Variants in DHRS2 observed in about 807,000 individuals in gnomAD.
DHRS2 encodes dehydrogenase/reductase SDR family member 2, mitochondrial.
DHRS2 carries 29 observed loss-of-function variants against 26.3 expected under a neutral mutation model. The ratio of observed to expected loss-of-function variants is 1.10; its 90% CI spans 0.82 to 1.50. DHRS2 has a LOEUF of 1.50. Ranked by LOEUF, DHRS2 falls within the 40% of genes most tolerant of loss-of-function variation. DHRS2 has a pLI of 0.00. For synonymous variants in DHRS2, 164 were observed against 151.3 expected, an observed-to-expected ratio of 1.08 and a Z score of -0.62; for missense variants, 439 against 367.1, an observed-to-expected ratio of 1.20 and a Z score of -1.60.
intron 1 of DHRS2, among the ~76,000 whole-genome samples, chr14:23,637,745 A>C (rs1047041948): frequency 6.6e-6 from 1 of 152,078 alleles, no homozygotes; most frequent in Non-Finnish European, 1.5e-5. Flanking sequence ...GGACTTGGAG[A>C]ACTTTTGTGT....
At chr14:23,632,345 G>C (rs1269643978), upstream of DHRS2, among the ~76,000 whole-genome samples, 2 of 152,186 alleles carry the variant, frequency 1.3e-5, no homozygotes, top group African/African-American at 2.4e-5. Context: ...GTAATGCAAG[G>C]CTGTAAATAT....
chr14:23,631,551 C>A (rs1841486195), upstream of DHRS2, among the ~76,000 whole-genome samples: 1 of 151,902 alleles, frequency 6.6e-6, no homozygotes, highest in Non-Finnish European at 1.5e-5. Flanking sequence ...TTCCTCTACC[C>A]CCCCCACCCC....
intron 3 of DHRS2, 144 bp downstream of exon 3, chr14:23,639,500 AAG>A: frequency 7.9e-7 from 1 of 1,259,350 alleles, no homozygotes; most frequent in South Asian, 1.7e-5. Context: ...CGCTACCCAG[AAG>A]GTCCCTCAGG....
At chr14:23,641,570 C>T (rs1252259369) in intron 4 of DHRS2, 37 of 1,275,848 alleles carry the variant, frequency 2.9e-5, no homozygotes, top group Non-Finnish European at 3.7e-5. Flanking sequence ...GCCTGATGCA[C>T]ATGGAGTATT....
At chr14:23,642,520 A>G (rs1339648921) in intron 4 of DHRS2, 1 of 152,324 alleles carries the variant, frequency 6.6e-6, no homozygotes, top group African/African-American at 2.4e-5. Flanking sequence ...CTTCCCCTCC[A>G]TCAGGCTGTC....
At chr14:23,637,131 C>T (rs898155084) in intron 1 of DHRS2, among the ~76,000 whole-genome samples, 13 of 152,194 alleles carry the variant, frequency 8.5e-5, no homozygotes, top group Admixed American at 2.0e-4. Context: ...CCTATCTATC[C>T]TATCTATCCT....
intron 5 of DHRS2, chr14:23,643,686 C>T (rs1215012749): frequency 6.8e-6 from 2 of 292,094 alleles, no homozygotes; most frequent in African/African-American, 2.1e-5. Context: ...CAGACACACC[C>T]TTAGGAACTG....
At chr14:23,640,348 C>G (rs770230939) in intron 4 of DHRS2, 15 of 985,334 alleles carry the variant, frequency 1.5e-5, no homozygotes, top group African/African-American at 1.7e-5. Context: ...TAGAAGGGGG[C>G]TCCTCACTGA....
intron 8 of DHRS2, 115 bp from the exon 9 acceptor site, chr14:23,645,027 C>T: frequency 2.5e-6 from 4 of 1,570,820 alleles, no homozygotes; most frequent in Non-Finnish European, 3.5e-6. Context: ...GTGCAAGTAG[C>T]CCTGCTGCAT....
chr14:23,639,496 C>G, intron 3 of DHRS2, 140 bp downstream of exon 3: 1 of 1,262,518 alleles, frequency 7.9e-7, no homozygotes, highest in South Asian at 1.7e-5. Context: ...ACCTCGCTAC[C>G]CAGAAGGTCC....
Sources: allele counts gnomAD v4.1 joint callset (sites outside exome capture counted in the v4.1 genomes callset), GRCh38; gene constraint gnomAD v4.1.1; transcripts MANE v1.5; gene names NCBI Gene and HGNC (gene_info 2026-07-23, HGNC 2026-07-21).